UBE2E1: variants seen among roughly 807,000 people sequenced by gnomAD.
UBE2E1 encodes ubiquitin conjugating enzyme E2 E1.
In UBE2E1, 6 loss-of-function variants were observed where a neutral mutation model predicts 21.4. That is an observed-to-expected ratio of 0.28 (90% CI 0.15 to 0.55). The LOEUF is 0.55. Ranked by LOEUF, UBE2E1 falls within the 20% of genes least tolerant of loss-of-function variation. The probability of loss-of-function intolerance (pLI) is 0.93; values close to 1 mark genes in which losing one functional copy is unlikely to be tolerated. For missense variants in UBE2E1, 142 were observed against 236.5 expected (o/e 0.60, Z 2.62); for synonymous variants, 87 against 82.7 (o/e 1.05, Z -0.28).
At chr3:23,874,841 A>G (rs542104577) in intron 3 of UBE2E1, among the ~76,000 whole-genome samples, 1 of 151,780 alleles carries the variant, frequency 6.6e-6, no homozygotes, top group Admixed American at 6.6e-5. Context: ...CGTACCCCCA[A>G]CCCCTGCTTC....
chr3:23,846,693 C>A (rs1050579857), intron 3 of UBE2E1, among the ~76,000 whole-genome samples: 7 of 62,456 alleles, frequency 1.1e-4, no homozygotes, highest in Middle Eastern at 0.013. Flanking sequence ...GAGACTCCAT[C>A]TCATCAAAAA....
chr3:23,815,621 G>T (rs1042505173), intron 3 of UBE2E1, among the ~76,000 whole-genome samples: 1 of 152,122 alleles, frequency 6.6e-6, no homozygotes, highest in Non-Finnish European at 1.5e-5. Context: ...GAAGTCCCAG[G>T]CTGCTCATCA....
intron 3 of UBE2E1, among the ~76,000 whole-genome samples, chr3:23,819,398 G>A (rs73822595): frequency 0.026 from 4,024 of 152,234 alleles, 215 homozygotes; most frequent in African/African-American, 0.092. Context: ...GTGGGAGAAT[G>A]TATGTTTAGA....
At chr3:23,855,522 A>G (rs1025481850) in intron 3 of UBE2E1, among the ~76,000 whole-genome samples, 2 of 152,168 alleles carry the variant, frequency 1.3e-5, no homozygotes, top group Admixed American at 1.3e-4. Flanking sequence ...CTTAAAAATA[A>G]TTGTATGCAT....
chr3:23,868,623 ATTAC>A (rs1398102395), intron 3 of UBE2E1, among the ~76,000 whole-genome samples: 8 of 151,908 alleles, frequency 5.3e-5, no homozygotes, highest in Admixed American at 5.3e-4. Flanking sequence ...ACTTTCTCTT[ATTAC>A]TTTACTTTCT....
chr3:23,811,418 T>C (rs1227034110), intron 2 of UBE2E1, 42 bp from the exon 3 acceptor site: 1 of 1,611,422 alleles, frequency 6.2e-7, no homozygotes. Context: ...TTCCGCGCCT[T>C]AATGCTTCTT....
At chr3:23,888,140 T>C (rs983357077) in intron 4 of UBE2E1, 5 of 447,906 alleles carry the variant, frequency 1.1e-5, no homozygotes, top group African/African-American at 2.0e-5. Context: ...GCAGGGCAGG[T>C]CAGGGGGCCA....
At chr3:23,835,132 G>C (rs1178476848) in intron 3 of UBE2E1, among the ~76,000 whole-genome samples, 1 of 152,158 alleles carries the variant, frequency 6.6e-6, no homozygotes, top group Non-Finnish European at 1.5e-5. Context: ...GTTTAATGAA[G>C]TAGTTCTCAA....
At chr3:23,855,639 C>T (rs1323415199) in intron 3 of UBE2E1, among the ~76,000 whole-genome samples, 2 of 151,978 alleles carry the variant, frequency 1.3e-5, no homozygotes, top group Non-Finnish European at 2.9e-5. Flanking sequence ...ACCATCCTGG[C>T]TAACATGATG....
rs997409678 is a variant in UBE2E1 at position 23,809,000 on chromosome 3, A to C, written c.152+1579A>C. On this transcript the variant is annotated intron_variant, in intron 2 of 5. Coordinates refer to ENST00000306627, the MANE Select transcript of UBE2E1 (RefSeq NM_003341.5). This position sits in a 1 kb window ranked among gnomAD's most constrained non-coding sequence, Gnocchi z 4.9. ...TAGAAAATACTCTGCTTTTGTTGTG[A>C]GTGAATTACAGAGAGGGGGATTTTT... 2.0e-5 allele frequency among the ~76,000 whole-genome samples: 3 copies of C among 152,194 alleles called. No homozygotes were observed. The highest frequency in any genetic ancestry group is 7.2e-5 in the African/African-American group (3 of 41,466).
At position 23,887,094 on chromosome 3, in the gene UBE2E1, T is replaced by C. The variant is rs540853696; in HGVS notation, c.204-473T>C. On this transcript the variant is annotated intron_variant, in intron 3 of 5. Coordinates refer to ENST00000306627, the MANE Select transcript of UBE2E1 (RefSeq NM_003341.5). This position sits in a 1 kb window ranked among gnomAD's most constrained non-coding sequence, Gnocchi z 4.4. ...ACTTTTTACATTATAAACCATCTAT[T>C]AGATTCTTTTAAAGGTGAGATTATG... Among the ~76,000 whole-genome samples the C allele has an allele frequency of 6.6e-6, 1 of 152,308 alleles. No homozygotes were observed. The highest frequency in any genetic ancestry group is 1.5e-5 in the Non-Finnish European group (1 of 68,014).
At chr3:23,850,570 G>C (rs893646276) in intron 3 of UBE2E1, among the ~76,000 whole-genome samples, 1 of 151,114 alleles carries the variant, frequency 6.6e-6, no homozygotes, top group African/African-American at 2.4e-5. Context: ...CAGAGCAGTG[G>C]TGCAATCCTA....
At chr3:23,860,212 G>A (rs765023647) in intron 3 of UBE2E1, among the ~76,000 whole-genome samples, 1 of 152,206 alleles carries the variant, frequency 6.6e-6, no homozygotes, top group Non-Finnish European at 1.5e-5. Flanking sequence ...AGATGAAGAT[G>A]AACGTTCTGA....
intron 3 of UBE2E1, among the ~76,000 whole-genome samples, chr3:23,821,798 G>T (rs891658914): frequency 6.6e-6 from 1 of 152,184 alleles, no homozygotes; most frequent in Non-Finnish European, 1.5e-5. Flanking sequence ...GATGAGGGCA[G>T]GGTGGAAATG....
At chr3:23,834,516 A>G (rs912356412) in intron 3 of UBE2E1, among the ~76,000 whole-genome samples, 4 of 152,046 alleles carry the variant, frequency 2.6e-5, no homozygotes, top group African/African-American at 4.8e-5. Flanking sequence ...GCTTTTTCCA[A>G]GTTCTTTTCC....
intron 3 of UBE2E1, among the ~76,000 whole-genome samples, chr3:23,830,174 T>C (rs932086596): frequency 6.6e-6 from 1 of 152,218 alleles, no homozygotes; most frequent in African/African-American, 2.4e-5. Context: ...CTCTGGGCCA[T>C]GCTTGCTTCT....
In UBE2E1 at chr3:23,857,247, G is replaced by GT. The variant is rs758117700; in HGVS notation, c.204-30310dup. On this transcript the variant is annotated intron_variant, in intron 3 of 5. Transcript: ENST00000306627. Reference sequence around the variant, plus strand: ...CAGGAGTATGTTTTAGAGTCTGGTGGTTTTTTTTTTCTTTCTGCATAGGAA... The same window carrying GT: ...CAGGAGTATGTTTTAGAGTCTGGTGGTTTTTTTTTTTCTTTCTGCATAGGAA... Among the ~76,000 whole-genome samples the GT allele has an allele frequency of 2.5e-3, 376 of 149,188 alleles. 1 individual carries two copies. Among genetic ancestry groups the GT allele is most frequent in the African/African-American group, 8.3e-3 (337 of 40,716 alleles).
rs1359751442 is a variant in UBE2E1 at position 23,806,242 on chromosome 3, C to G, written c.-34+154C>G. Reference sequence around the variant, plus strand: ...GGGGGAGCGGAGAGGGGCTGGGGAGCCCCAGGGGTCCGGGGCCCGCCCGCG... The same window carrying G: ...GGGGGAGCGGAGAGGGGCTGGGGAGGCCCAGGGGTCCGGGGCCCGCCCGCG... On this transcript the variant is annotated intron_variant, in intron 1 of 5. Coordinates refer to ENST00000306627, the MANE Select transcript of UBE2E1 (RefSeq NM_003341.5). The surrounding 1 kb of genome is among the most constrained non-coding windows in gnomAD (Gnocchi z 6.5). 2.7e-5 allele frequency among the ~76,000 whole-genome samples: 4 copies of G among 149,430 alleles called. No individual in the cohort carries two copies. The highest frequency in any genetic ancestry group is 6.6e-5 in the Admixed American group (1 of 15,052).
chr3:23,816,514 G>A lies in UBE2E1; in HGVS notation c.203+5004G>A, dbSNP rs1269482656. Among the ~76,000 whole-genome samples, 1 of 152,068 alleles carries A rather than the reference G, an allele frequency of 6.6e-6. No individual in the cohort carries two copies. Among genetic ancestry groups the A allele is most frequent in the East Asian group, 1.9e-4 (1 of 5,186 alleles). Reference sequence around the variant, plus strand: ...GAGGTCAGGAGATCGACACCATCGTGGCGAACACAGTGAAACCCCGTCTCT... The same window carrying A: ...GAGGTCAGGAGATCGACACCATCGTAGCGAACACAGTGAAACCCCGTCTCT... On this transcript the variant is annotated intron_variant, in intron 3 of 5. Coordinates refer to ENST00000306627, the MANE Select transcript of UBE2E1 (RefSeq NM_003341.5). The surrounding 1 kb of genome is among the most constrained non-coding windows in gnomAD (Gnocchi z 4.8).
Sources: gnomAD v4.1 joint callset for allele counts (sites outside exome capture counted in the v4.1 genomes callset) on GRCh38, gnomAD v4.1.1 for gene constraint, Gnocchi (gnomAD v3.1) non-coding constraint, MANE v1.5 for transcripts, NCBI Gene and HGNC (gene_info 2026-07-23, HGNC 2026-07-21) for gene names.